AXDND1: variants seen among roughly 807,000 people sequenced by gnomAD.
AXDND1 encodes the protein axonemal dynein light chain domain-containing protein 1.
A neutral mutation model predicts 137.5 loss-of-function variants in AXDND1; 110 were observed. The ratio of observed to expected loss-of-function variants is 0.80; its 90% CI spans 0.69 to 0.94. AXDND1 has a LOEUF of 0.94. Ranked by LOEUF, AXDND1 falls within the 40% of genes least tolerant of loss-of-function variation. The pLI, the probability that AXDND1 is intolerant of heterozygous loss-of-function variation, is 0.00. For synonymous variants in AXDND1, 414 were observed against 399.7 expected (o/e 1.04, Z -0.43); for missense variants, 1,191 against 1,169.8 (o/e 1.02, Z -0.26).
chr1:179,424,133 T>TTTTG (rs1389298676), intron 12 of AXDND1, among the ~76,000 whole-genome samples: 1 of 138,262 alleles, frequency 7.2e-6, no homozygotes, highest in East Asian at 1.9e-4. Context: ...GATAGCAGGG[T>TTTTG]TTTGTTCGTT....
At chr1:179,459,660 A>C (rs1437643934) in intron 16 of AXDND1, among the ~76,000 whole-genome samples, 5 of 149,948 alleles carry the variant, frequency 3.3e-5, no homozygotes, top group Admixed American at 2.0e-4. Flanking sequence ...TTTTGTTTAA[A>C]GGCTTGCTTT....
chr1:179,552,618 T>G, intron 25 of AXDND1: 6 of 1,613,756 alleles, frequency 3.7e-6, no homozygotes, highest in South Asian at 1.1e-5. Flanking sequence ...CTTTGGCTTG[T>G]CTTTGCGCTT....
At chr1:179,436,607 G>T (rs1162786673) in intron 15 of AXDND1, among the ~76,000 whole-genome samples, 2 of 152,100 alleles carry the variant, frequency 1.3e-5, no homozygotes, top group Non-Finnish European at 2.9e-5. Context: ...ACAAAACACT[G>T]CTTGTTCTCA....
chr1:179,482,409 T>C (rs943848069), intron 17 of AXDND1, among the ~76,000 whole-genome samples: 68 of 152,266 alleles, frequency 4.5e-4, no homozygotes, highest in African/African-American at 1.5e-3. Context: ...CCCTACTTGT[T>C]ACCTGCATTT....
chr1:179,426,056 C>T (rs903793715), intron 12 of AXDND1, among the ~76,000 whole-genome samples: 4 of 152,014 alleles, frequency 2.6e-5, no homozygotes, highest in Non-Finnish European at 5.9e-5. Flanking sequence ...AGGCTGGTCT[C>T]AAACTCCCGA....
intron 12 of AXDND1, among the ~76,000 whole-genome samples, chr1:179,418,693 C>T (rs1236312891): frequency 4.6e-5 from 7 of 151,074 alleles, no homozygotes; most frequent in South Asian, 2.1e-4. Context: ...CCCTCCCGGA[C>T]GGGGCGGCTG....
At chr1:179,511,393 GGTGTGTGTGTGTGT>G in intron 21 of AXDND1, among the ~76,000 whole-genome samples, 1 of 145,120 alleles carries the variant, frequency 6.9e-6, no homozygotes, top group East Asian at 2.0e-4. Flanking sequence ...TGGTATATGG[GGTGTGTGTGTGTGT>G]GTGTGTGTGT....
At chr1:179,504,886 G>A (rs1668380994) in intron 20 of AXDND1, among the ~76,000 whole-genome samples, 1 of 152,160 alleles carries the variant, frequency 6.6e-6, no homozygotes. Flanking sequence ...CCTATGCAAA[G>A]GCCTTCTTCT....
At chr1:179,378,338 G>A (rs1212134878) in intron 4 of AXDND1, among the ~76,000 whole-genome samples, 1 of 152,080 alleles carries the variant, frequency 6.6e-6, no homozygotes, top group African/African-American at 2.4e-5. Context: ...GGGCAAAGAT[G>A]GAATCAAGCA....
At chr1:179,539,073 C>T (rs1179173770) in intron 25 of AXDND1, among the ~76,000 whole-genome samples, 1 of 152,072 alleles carries the variant, frequency 6.6e-6, no homozygotes, top group African/African-American at 2.4e-5. Flanking sequence ...TATTTTGAGC[C>T]TATGTGTGTC....
chr1:179,402,893 T>C (rs1408787248), intron 11 of AXDND1, among the ~76,000 whole-genome samples: 1 of 152,214 alleles, frequency 6.6e-6, no homozygotes, highest in Non-Finnish European at 1.5e-5. Context: ...TATTGCTAAA[T>C]CCAATGATCA....
In AXDND1 at chr1:179,443,896, A is replaced by G. The variant is rs946779145; in HGVS notation, c.1564-1074A>G. On this transcript the variant is annotated intron_variant, in intron 15 of 25. Coordinates refer to ENST00000367618, the MANE Select transcript of AXDND1 (RefSeq NM_144696.6). ...TCTGACAAAGGAAAATATAAGTGAC[A>G]TTGAAATACTTCCAAAGTGATTATC... Among the ~76,000 whole-genome samples, 4 of 152,214 alleles carry G rather than the reference A, an allele frequency of 2.6e-5. 1 individual carries two copies. The highest frequency in any genetic ancestry group is 9.6e-5 in the African/African-American group (4 of 41,462).
At chr1:179,382,660 A>T in intron 6 of AXDND1, 40 bp from the exon 7 acceptor site, 2 of 1,498,554 alleles carry the variant, frequency 1.3e-6, no homozygotes, top group Non-Finnish European at 1.9e-6. Context: ...AGGCCAGAAA[A>T]TTTTCTTAAA....
At chr1:179,454,774 G>A (rs1661057827) in intron 16 of AXDND1, 1 of 152,160 alleles carries the variant, frequency 6.6e-6, no homozygotes, top group South Asian at 2.1e-4. Flanking sequence ...GGCATGTCAG[G>A]AATGTGGGAG....
At chr1:179,381,975 G>GTTTTTTTT in intron 6 of AXDND1, among the ~76,000 whole-genome samples, 1 of 103,790 alleles carries the variant, frequency 9.6e-6, no homozygotes, top group Non-Finnish European at 1.9e-5. Context: ...TGTATTTTTA[G>GTTTTTTTT]TAGCGACGGG....
At chr1:179,505,305 G>A (rs945820922) in intron 20 of AXDND1, among the ~76,000 whole-genome samples, 16 of 33,674 alleles carry the variant, frequency 4.8e-4, no homozygotes, top group African/African-American at 1.1e-3. Flanking sequence ...ACAAGCTAAT[G>A]TTTCTGCTTC....
intron 17 of AXDND1, among the ~76,000 whole-genome samples, chr1:179,481,292 G>A (rs1482118136): frequency 6.6e-6 from 1 of 151,662 alleles, no homozygotes; most frequent in Non-Finnish European, 1.5e-5. Flanking sequence ...CTTCATCCAT[G>A]TCCCTACAAA....
At chr1:179,433,420 T>A (rs1245203947) in intron 15 of AXDND1, among the ~76,000 whole-genome samples, 1 of 152,208 alleles carries the variant, frequency 6.6e-6, no homozygotes, top group Non-Finnish European at 1.5e-5. Context: ...TGGATTTGTT[T>A]GCTTTTGCTT....
chr1:179,532,983 G>T (rs1191379726), intron 23 of AXDND1: 1 of 152,074 alleles, frequency 6.6e-6, no homozygotes, highest in Non-Finnish European at 1.5e-5. Flanking sequence ...AAGGTATAGT[G>T]GTATGATGGG....
Sources: gnomAD v4.1 joint callset for allele counts (sites outside exome capture counted in the v4.1 genomes callset) on GRCh38, gnomAD v4.1.1 for gene constraint, MANE v1.5 for transcripts, NCBI Gene and HGNC (gene_info 2026-07-23, HGNC 2026-07-21) for gene names.